The following GLRA2 variants were observed in gnomAD, a reference collection of about 807,000 sequenced individuals.
GLRA2 encodes the protein glycine receptor subunit alpha-2.
Under a neutral mutation model 31.6 loss-of-function variants are expected in GLRA2, and 11 were observed. The observed-to-expected ratio is 0.35, with a 90% CI of 0.22 to 0.58. GLRA2 has a LOEUF of 0.58. GLRA2 is among the 20% of genes least tolerant of loss of function. GLRA2 has a pLI of 0.84. For missense variants in GLRA2, 212 were observed against 351.8 expected (o/e 0.60, Z 3.18); for synonymous variants, 132 against 134.0 (o/e 0.99, Z 0.10).
Position 14,716,151 on chromosome X carries a change from G to T in GLRA2, c.1081-14056G>T, listed in dbSNP as rs779957032. Among the ~76,000 whole-genome samples the T allele has an allele frequency of 3.6e-5, 4 of 111,160 alleles. No individual in the cohort carries two copies. The South Asian group carries it at 1.5e-3, about 42-fold the overall frequency. ...CTTATTTGCATGTGTCTACTCCCTG[G>T]TTGGGAAGAAAAATCTTAAATATAT... On this transcript the variant is annotated intron_variant, in intron 8 of 8. Coordinates refer to ENST00000218075, the MANE Select transcript of GLRA2 (RefSeq NM_002063.4).
In GLRA2 at chrX:14,730,570, AGAGGAGAAGATTGAGG is replaced by A. The variant is rs1433031911; in HGVS notation, c.*90_*105del. 5 of 160,033 alleles carry A rather than the reference AGAGGAGAAGATTGAGG, an allele frequency of 3.1e-5. No homozygotes were observed. The highest frequency in any genetic ancestry group is 6.0e-5 in the Non-Finnish European group (5 of 83,251). The allele number at this position is 160,033 out of a possible 1,213,427, so 13.2% of individuals were successfully genotyped here. ...GAAATTGTCTTTATATCACTTTGAC[AGAGGAGAAGATTGAGG>A]GAGGGGGGAGGGAGGGTCATGGGGG... On this transcript the variant is annotated 3_prime_UTR_variant, in exon 9 of 9. Coordinates refer to ENST00000218075, the MANE Select transcript of GLRA2 (RefSeq NM_002063.4).
At chrX:14,693,508 ACT>A in intron 8 of GLRA2, among the ~76,000 whole-genome samples, 1 of 112,022 alleles carries the variant, frequency 8.9e-6, no homozygotes, top group East Asian at 2.8e-4. Context: ...AAATAGACAA[ACT>A]CACACTCATA....
Position 14,585,499 on chromosome X carries a change from GTAAC to G in GLRA2, c.494+4097_494+4100del, listed in dbSNP as rs765766313. Among the ~76,000 whole-genome samples, 52 of 111,983 alleles carry G rather than the reference GTAAC, an allele frequency of 4.6e-4. 1 individual carries two copies. The South Asian group carries it at 6.7e-3, about 14-fold the overall frequency. On this transcript the variant is annotated intron_variant, in intron 4 of 8. Transcript: ENST00000218075. The stretch of plus-strand genomic sequence containing the variant: ...GCTCAATTTAACTAGAGGTCAAGGA[GTAAC>G]TAATGCTAATATATGCCCAGCTGCA...
intron 7 of GLRA2, among the ~76,000 whole-genome samples, chrX:14,624,757 TG>T (rs1569512129): frequency 9.0e-6 from 1 of 111,442 alleles, no homozygotes; most frequent in African/African-American, 3.3e-5. Context: ...TGCTGAGGAG[TG>T]CTTACTTCCA....
At chrX:14,558,311 C>T (rs1226462741) in intron 2 of GLRA2, among the ~76,000 whole-genome samples, 1 of 111,982 alleles carries the variant, frequency 8.9e-6, no homozygotes, top group Non-Finnish European at 1.9e-5. Flanking sequence ...CTAATTATCA[C>T]AATTATCATC....
the GLRA2 span, among the ~76,000 whole-genome samples, chrX:14,490,569 C>G: frequency 3.6e-5 from 4 of 112,481 alleles, no homozygotes; most frequent in Non-Finnish European, 7.5e-5. Context: ...TTCCATTCCA[C>G]AGTTTGCACT....
At chrX:14,710,195 G>A (rs1392678904) in intron 8 of GLRA2, among the ~76,000 whole-genome samples, 1 of 111,943 alleles carries the variant, frequency 8.9e-6, no homozygotes, top group Non-Finnish European at 1.9e-5. Context: ...TGAGTTCTCA[G>A]TTCTTGAGTT....
At chrX:14,531,725 A>C (rs1195506537) in intron 1 of GLRA2, among the ~76,000 whole-genome samples, 1 of 111,593 alleles carries the variant, frequency 9.0e-6, no homozygotes. Context: ...AAATATTAAT[A>C]GTTGATAGTT....
chrX:14,555,057 A>G (rs1164405865), intron 2 of GLRA2, among the ~76,000 whole-genome samples: 1 of 112,205 alleles, frequency 8.9e-6, no homozygotes. Flanking sequence ...ATAAGGGGGA[A>G]TTAGACTTTT....
At chrX:14,616,793 A>C (rs920054998) in intron 7 of GLRA2, among the ~76,000 whole-genome samples, 4 of 112,241 alleles carry the variant, frequency 3.6e-5, no homozygotes, top group African/African-American at 1.3e-4. Context: ...TTTTTTGTAC[A>C]TAATCAGGAT....
intron 8 of GLRA2, among the ~76,000 whole-genome samples, chrX:14,694,858 A>T (rs2091418595): frequency 2.7e-5 from 3 of 112,021 alleles, no homozygotes; most frequent in African/African-American, 9.7e-5. Flanking sequence ...AGAGATGAGA[A>T]GATGAATTGA....
intron 8 of GLRA2, among the ~76,000 whole-genome samples, chrX:14,719,320 T>A (rs1477130197): frequency 1.8e-5 from 2 of 111,349 alleles, no homozygotes; most frequent in Non-Finnish European, 3.8e-5. Context: ...GGGATCAATA[T>A]CAAAAATATA....
At chrX:14,450,902 G>A in the GLRA2 span, among the ~76,000 whole-genome samples, 10 of 111,065 alleles carry the variant, frequency 9.0e-5, no homozygotes, top group Non-Finnish European at 1.1e-4. Context: ...ATAGAGATGA[G>A]GTTTTGCCTT....
At chrX:14,460,635 T>G in the GLRA2 span, among the ~76,000 whole-genome samples, 13 of 112,123 alleles carry the variant, frequency 1.2e-4, no homozygotes, top group Non-Finnish European at 2.1e-4. Context: ...GATTTTCTAG[T>G]TTATTTGCGT....
intron 7 of GLRA2, among the ~76,000 whole-genome samples, chrX:14,609,421 T>A (rs940030160): frequency 9.0e-6 from 1 of 110,679 alleles, no homozygotes; most frequent in Non-Finnish European, 1.9e-5. Flanking sequence ...GAAATTAGTA[T>A]TGAGAGGGAA....
At chrX:14,670,009 C>T (rs1221127153) in intron 7 of GLRA2, among the ~76,000 whole-genome samples, 1 of 112,108 alleles carries the variant, frequency 8.9e-6, no homozygotes, top group Non-Finnish European at 1.9e-5. Context: ...TTAACCACAC[C>T]GAAGTCACCT....
intron 7 of GLRA2, among the ~76,000 whole-genome samples, chrX:14,616,524 A>G (rs2090455824): frequency 1.8e-5 from 2 of 111,814 alleles, no homozygotes; most frequent in Non-Finnish European, 3.8e-5. Flanking sequence ...CATGCTTGGA[A>G]TTTAAAACGA....
intron 8 of GLRA2, among the ~76,000 whole-genome samples, chrX:14,699,232 C>G (rs2091499891): frequency 8.9e-6 from 1 of 111,961 alleles, no homozygotes; most frequent in African/African-American, 3.3e-5. Flanking sequence ...ACAATGCAGC[C>G]TCACCTGCAT....
chrX:14,692,180 G>T (rs1463146485), intron 8 of GLRA2, among the ~76,000 whole-genome samples: 2 of 111,959 alleles, frequency 1.8e-5, no homozygotes, highest in African/African-American at 3.2e-5. Flanking sequence ...CTACCTCTCA[G>T]GAACATTTTG....
Sources: allele counts gnomAD v4.1 joint callset (sites outside exome capture counted in the v4.1 genomes callset), GRCh38; gene constraint gnomAD v4.1.1; transcripts MANE v1.5; gene names NCBI Gene and HGNC (gene_info 2026-07-23, HGNC 2026-07-21).